Variants in VPS37A observed in about 807,000 individuals in gnomAD.
The protein encoded by VPS37A is VPS37A subunit of ESCRT-I.
A neutral mutation model predicts 49.8 loss-of-function variants in VPS37A; 30 were observed. The ratio of observed to expected loss-of-function variants is 0.60; its 90% confidence interval spans 0.45 to 0.82. VPS37A has a LOEUF of 0.82. Among genes scored for constraint, VPS37A ranks in the 40% least tolerant of loss-of-function variants. The probability of loss-of-function intolerance (pLI) is 0.00; values close to 1 mark genes in which losing one functional copy is unlikely to be tolerated. For missense variants in VPS37A, 593 were observed against 464.4 expected, an observed-to-expected ratio of 1.28 and a Z score of -2.55; for synonymous variants, 195 against 160.6, an observed-to-expected ratio of 1.21 and a Z score of -1.62.
At chr8:17,306,888 C>A (rs1817489857), downstream of VPS37A, among the ~76,000 whole-genome samples, 1 of 151,202 alleles carries the variant, frequency 6.6e-6, no homozygotes, top group Non-Finnish European at 1.5e-5. Context: ...AAAATTAATT[C>A]AAGATGGATT....
At chr8:17,278,755 G>T (rs914889635) in intron 6 of VPS37A, among the ~76,000 whole-genome samples, 1 of 151,774 alleles carries the variant, frequency 6.6e-6, no homozygotes, top group Non-Finnish European at 1.5e-5. Context: ...ATATACTGTT[G>T]TTTTTTTAAT....
rs184398090 is a variant in VPS37A, at chr8:17,295,110, T to G, written c.*124T>G. Reference sequence around the variant, plus strand: ...AAATTCACAGATATCCTATATAGATTGTATACAGAACTGAGACTGATTTTG... The same window carrying G: ...AAATTCACAGATATCCTATATAGATGGTATACAGAACTGAGACTGATTTTG... On this transcript the variant is annotated 3_prime_UTR_variant, in exon 12 of 12. Transcript: ENST00000324849. The G allele has an allele frequency of 1.6e-4, 25 of 152,772 alleles. No individual in the cohort carries two copies. The highest frequency in any genetic ancestry group is 5.8e-4 in the African/African-American group (24 of 41,582). The allele number at this position is 152,772 out of a possible 1,614,324, so 9.5% of individuals were successfully genotyped here. A position where few individuals can be genotyped will look rare whatever the true frequency, so the allele number is the denominator to read the frequency against.
chr8:17,271,277 C>T (rs1813960195), intron 4 of VPS37A, among the ~76,000 whole-genome samples: 1 of 152,132 alleles, frequency 6.6e-6, no homozygotes, highest in South Asian at 2.1e-4. Context: ...CTTTCTCTGT[C>T]CCTTGTAGAC....
chr8:17,262,766 A>G (rs940335849), intron 1 of VPS37A, among the ~76,000 whole-genome samples: 2 of 152,180 alleles, frequency 1.3e-5, no homozygotes, highest in South Asian at 4.1e-4. Context: ...TGCAGCCATT[A>G]AAAATTATAT....
chr8:17,248,624 C>T (rs908045299), intron 1 of VPS37A, among the ~76,000 whole-genome samples: 2 of 152,214 alleles, frequency 1.3e-5, no homozygotes, highest in Non-Finnish European at 2.9e-5. Context: ...AAATATGTAT[C>T]CTCAGATAAT....
chr8:17,308,592 A>T, the VPS37A span, among the ~76,000 whole-genome samples: 1 of 152,232 alleles, frequency 6.6e-6, no homozygotes, highest in African/African-American at 2.4e-5. Flanking sequence ...TTTAAATTTT[A>T]TCACCAAAGA....
At chr8:17,309,801 C>A in the VPS37A span, among the ~76,000 whole-genome samples, 1 of 152,076 alleles carries the variant, frequency 6.6e-6, no homozygotes, top group Non-Finnish European at 1.5e-5. Flanking sequence ...AAATTACCAA[C>A]CTCTTTACAA....
At chr8:17,302,077 C>G (rs1381879510), downstream of VPS37A, 1 of 1,581,176 alleles carries the variant, frequency 6.3e-7, no homozygotes, top group East Asian at 2.2e-5. Context: ...TGCACTGAAT[C>G]TTAAGAGGCT....
At position 17,247,276 on chromosome 8, in the gene VPS37A, C is replaced by T; in HGVS notation, c.32C>T (p.Ala11Val). The T allele has an allele frequency of 1.3e-6, 2 of 1,568,242 alleles. No homozygotes were observed. The highest frequency in any genetic ancestry group is 1.7e-6 in the Non-Finnish European group (2 of 1,156,586). The change falls in exon 1 of 12, where the codon GCC (alanine) becomes GTC (valine). Residue 11 changes from alanine to valine, a missense_variant. Ala to Val is a moderately conservative substitution (Grantham distance 64). Transcript: ENST00000324849. MSWLFPLTKS[A>V]SSSAAGSPGG... Reference sequence around the variant, plus strand: ...TGGCTTTTTCCCCTGACCAAGAGCGCCTCCTCCTCCGCGGCTGGGTCCCCC... The same window carrying T: ...TGGCTTTTTCCCCTGACCAAGAGCGTCTCCTCCTCCGCGGCTGGGTCCCCC...
At chr8:17,331,002 TAAGTGTTTAAA>T in the VPS37A span, 1 of 920,308 alleles carries the variant, frequency 1.1e-6, no homozygotes, top group Non-Finnish European at 1.6e-6. Context: ...GAAACGTTCT[TAAGTGTTTAAA>T]AAGCCACTGT....
intron 4 of VPS37A, among the ~76,000 whole-genome samples, chr8:17,272,652 T>C (rs1814101750): frequency 6.6e-6 from 1 of 152,210 alleles, no homozygotes; most frequent in African/African-American, 2.4e-5. Flanking sequence ...AAATACTCTC[T>C]CATGTTGGTT....
chr8:17,265,612 G>A (rs1447847761), intron 1 of VPS37A, among the ~76,000 whole-genome samples: 5 of 152,170 alleles, frequency 3.3e-5, no homozygotes, highest in Non-Finnish European at 5.9e-5. Context: ...TCTGCTAATG[G>A]TAAATTGGAT....
In VPS37A at chr8:17,280,284, C is replaced by G. The variant is rs1199936352; in HGVS notation, c.887C>G (p.Thr296Ser). 2 of 1,612,434 alleles carry G rather than the reference C, an allele frequency of 1.2e-6. No homozygotes were observed. Among genetic ancestry groups the G allele is most frequent in the African/African-American group, 2.7e-5 (2 of 74,812 alleles). The change falls in exon 8 of 12, where the codon ACT (threonine) becomes AGT (serine). Residue 296 changes from threonine (T) to serine (S), a missense_variant. By Grantham distance (58) the Thr-to-Ser change is moderately conservative. Transcript: ENST00000324849. ...LEPSLEAKRQ[T>S]VLDKYELLTQ... is the part of the protein sequence containing the mutation. The stretch of plus-strand genomic sequence containing the variant: ...CCCAGCTTGGAAGCCAAAAGACAAA[C>G]TGTTTTAGATAAGGTGAGTTAGTGA...
chr8:17,327,339 T>G, the VPS37A span, among the ~76,000 whole-genome samples: 1 of 152,190 alleles, frequency 6.6e-6, no homozygotes, highest in South Asian at 2.1e-4. Context: ...GGCACGATCA[T>G]GGCTTACTGC....
intron 1 of VPS37A, among the ~76,000 whole-genome samples, chr8:17,249,898 A>G (rs987331342): frequency 2.6e-5 from 4 of 152,218 alleles, no homozygotes; most frequent in African/African-American, 9.7e-5. Context: ...TCAATGAAGA[A>G]TGGACAGCCA....
intron 9 of VPS37A, among the ~76,000 whole-genome samples, chr8:17,283,000 T>C (rs1282797826): frequency 2.6e-5 from 4 of 152,208 alleles, no homozygotes; most frequent in Admixed American, 6.5e-5. Context: ...TTGGAAAATA[T>C]GTTCAACTTT....
intron 1 of VPS37A, among the ~76,000 whole-genome samples, chr8:17,261,634 C>A (rs546632498): frequency 6.6e-6 from 1 of 152,236 alleles, no homozygotes; most frequent in Non-Finnish European, 1.5e-5. Context: ...AGACTCTTTA[C>A]TGTAAGGTTT....
the VPS37A span, chr8:17,309,456 G>C: frequency 1.5e-6 from 1 of 689,468 alleles, no homozygotes. Context: ...GCAAATGCAT[G>C]AACAGGCATT....
chr8:17,284,759 G>T (rs1211856685), intron 10 of VPS37A, 143 bp downstream of exon 10: 5 of 1,097,426 alleles, frequency 4.6e-6, no homozygotes, highest in South Asian at 1.8e-5. Context: ...TGAAAGGAAG[G>T]TTTCTATTCC....
Sources: allele counts gnomAD v4.1 joint callset (sites outside exome capture counted in the v4.1 genomes callset), GRCh38; gene constraint gnomAD v4.1.1; transcripts MANE v1.5; gene names NCBI Gene and HGNC (gene_info 2026-07-23, HGNC 2026-07-21).